Variants in KCNIP4 observed in about 807,000 individuals in gnomAD.
The protein encoded by KCNIP4 is Kv channel-interacting protein 4.
In KCNIP4, 12 loss-of-function variants were observed where a neutral mutation model predicts 34.0. The ratio of observed to expected loss-of-function variants is 0.35; its 90% CI spans 0.23 to 0.57. KCNIP4 has a LOEUF of 0.57. KCNIP4 is among the 20% of genes least tolerant of loss of function. The pLI is 0.83. For synonymous variants in KCNIP4, 124 were observed against 102.2 expected (o/e 1.21, Z -1.29); for missense variants, 238 against 311.7 (o/e 0.76, Z 1.78).
At chr4:21,254,043 G>A (rs935450939) in intron 1 of KCNIP4, among the ~76,000 whole-genome samples, 3 of 152,224 alleles carry the variant, frequency 2.0e-5, no homozygotes, top group Non-Finnish European at 4.4e-5. Flanking sequence ...AGGGGTAAGG[G>A]AGAGGTGAGA....
At chr4:20,979,183 CCAAA>C (rs1577475460) in intron 1 of KCNIP4, among the ~76,000 whole-genome samples, 1 of 152,006 alleles carries the variant, frequency 6.6e-6, no homozygotes, top group East Asian at 1.9e-4. Context: ...TTTAATAAAG[CCAAA>C]CAAAGTTGCT....
chr4:20,971,834 C>T (rs1734980511), intron 1 of KCNIP4, among the ~76,000 whole-genome samples: 1 of 152,214 alleles, frequency 6.6e-6, no homozygotes, highest in Admixed American at 6.5e-5. Context: ...CTGTTGACAG[C>T]ATTTTATCCA....
chr4:20,902,634 C>T lies in KCNIP4; in HGVS notation c.62-19925G>A, dbSNP rs1292463000. ...TCCCGGGTTCACGTGATTCTCTTGC[C>T]CCAGCCTCCCAAGTAGCTGGGGTTA... On this transcript the variant is annotated intron_variant, in intron 1 of 8. Transcript: ENST00000382152. Among the ~76,000 whole-genome samples, 3 of 152,044 alleles carry T rather than the reference C, an allele frequency of 2.0e-5. 1 individual carries two copies. In the South Asian group the frequency reaches 6.2e-4, roughly 32 times the overall value.
At chr4:21,293,316 A>C (rs1365152083) in intron 1 of KCNIP4, among the ~76,000 whole-genome samples, 1 of 152,212 alleles carries the variant, frequency 6.6e-6, no homozygotes, top group Non-Finnish European at 1.5e-5. Context: ...TCAACTCTTA[A>C]ATGAAGGAGG....
chr4:21,260,513 C>T (rs1396066410), intron 1 of KCNIP4, among the ~76,000 whole-genome samples: 6 of 152,166 alleles, frequency 3.9e-5, no homozygotes, highest in South Asian at 2.1e-4. Flanking sequence ...AGATGAACTT[C>T]GGACTCTTCC....
At chr4:21,891,059 C>T (rs181862667) in intron 1 of KCNIP4, among the ~76,000 whole-genome samples, 206 of 152,186 alleles carry the variant, frequency 1.4e-3, no homozygotes, top group African/African-American at 4.8e-3. Flanking sequence ...CTCTGTATGG[C>T]CTGTGTTCCA....
chr4:21,142,608 G>A (rs949106147), intron 1 of KCNIP4, among the ~76,000 whole-genome samples: 37 of 152,170 alleles, frequency 2.4e-4, no homozygotes, highest in African/African-American at 7.0e-4. Context: ...TGTACTTAAC[G>A]GCAAAGATCT....
intron 3 of KCNIP4, among the ~76,000 whole-genome samples, chr4:20,767,798 A>T (rs926405303): frequency 6.6e-6 from 1 of 152,214 alleles, no homozygotes; most frequent in African/African-American, 2.4e-5. Context: ...AGGATTAAAA[A>T]AAAGAATTAC....
chr4:21,059,539 G>A (rs1057249384), intron 1 of KCNIP4, among the ~76,000 whole-genome samples: 1 of 152,066 alleles, frequency 6.6e-6, no homozygotes, highest in African/African-American at 2.4e-5. Flanking sequence ...GACCACACCA[G>A]AGAAGGAGAG....
intron 1 of KCNIP4, among the ~76,000 whole-genome samples, chr4:21,262,914 C>T (rs1761565315): frequency 6.6e-6 from 1 of 152,154 alleles, no homozygotes; most frequent in African/African-American, 2.4e-5. Context: ...ACTAGTATAC[C>T]TCCAGCACCT....
chr4:21,647,429 G>C (rs1045693860), intron 1 of KCNIP4, among the ~76,000 whole-genome samples: 1 of 152,048 alleles, frequency 6.6e-6, no homozygotes, highest in African/African-American at 2.4e-5. Flanking sequence ...CTGATTGGAA[G>C]GCAGGGGTGG....
intron 1 of KCNIP4, among the ~76,000 whole-genome samples, chr4:21,252,579 G>A (rs1271084668): frequency 4.0e-5 from 6 of 151,898 alleles, no homozygotes; most frequent in African/African-American, 1.2e-4. Context: ...CTGATGTAAC[G>A]CTGACAATGT....
At chr4:21,817,808 T>C (rs1237518281) in intron 1 of KCNIP4, among the ~76,000 whole-genome samples, 1 of 152,154 alleles carries the variant, frequency 6.6e-6, no homozygotes, top group African/African-American at 2.4e-5. Flanking sequence ...TCTCGAACCC[T>C]GTTTTCTGTT....
At chr4:20,915,526 A>G (rs1177661835) in intron 1 of KCNIP4, among the ~76,000 whole-genome samples, 1 of 152,202 alleles carries the variant, frequency 6.6e-6, no homozygotes, top group African/African-American at 2.4e-5. Flanking sequence ...AAAATAAAGA[A>G]AATGCCTATA....
chr4:20,797,577 G>A (rs1002421847), intron 3 of KCNIP4, among the ~76,000 whole-genome samples: 4 of 152,262 alleles, frequency 2.6e-5, no homozygotes, highest in East Asian at 1.9e-4. Context: ...AGGTGGGTGC[G>A]ACTTAATCAC....
intron 1 of KCNIP4, among the ~76,000 whole-genome samples, chr4:21,807,016 C>A (rs1259920770): frequency 6.6e-6 from 1 of 152,140 alleles, no homozygotes; most frequent in East Asian, 1.9e-4. Context: ...TGTTTTCCTG[C>A]AACTAGATGG....
At chr4:21,127,356 C>G (rs1378318477) in intron 1 of KCNIP4, among the ~76,000 whole-genome samples, 1 of 152,338 alleles carries the variant, frequency 6.6e-6, no homozygotes, top group East Asian at 1.9e-4. Context: ...TTAATTCCTT[C>G]TTTTGGGGTT....
intron 1 of KCNIP4, among the ~76,000 whole-genome samples, chr4:21,225,470 T>A (rs1758311169): frequency 6.6e-6 from 1 of 152,206 alleles, no homozygotes; most frequent in African/African-American, 2.4e-5. Flanking sequence ...TCCATAGTTA[T>A]GGATCAATAT....
intron 1 of KCNIP4, among the ~76,000 whole-genome samples, chr4:20,950,132 A>T (rs1560594501): frequency 1.5e-4 from 1 of 6,666 alleles, no homozygotes. Context: ...TTTTTAAATT[A>T]AAAAAAAAAA....
Sources: gnomAD v4.1 joint callset for allele counts (sites outside exome capture counted in the v4.1 genomes callset) on GRCh38, gnomAD v4.1.1 for gene constraint, MANE v1.5 for transcripts, NCBI Gene and HGNC (gene_info 2026-07-23, HGNC 2026-07-21) for gene names.